The following VIPAS39 variants were observed in gnomAD, a reference collection of about 807,000 sequenced individuals.
VIPAS39 encodes the protein spermatogenesis-defective protein 39 homolog.
VIPAS39 carries 63 observed loss-of-function variants against 84.7 expected under a neutral mutation model. That is an observed-to-expected ratio of 0.74 (90% CI 0.61 to 0.92). The LOEUF is 0.92. Ranked by LOEUF, VIPAS39 falls within the 40% of genes least tolerant of loss-of-function variation. The pLI, the probability that VIPAS39 is intolerant of heterozygous loss-of-function variation, is 0.00. For missense variants in VIPAS39, 499 were observed against 604.5 expected (o/e 0.83, Z 1.83); for synonymous variants, 192 against 216.5 (o/e 0.89, Z 0.99).
chr14:77,440,705 G>A (rs1357856916), intron 11 of VIPAS39, among the ~76,000 whole-genome samples: 1 of 152,076 alleles, frequency 6.6e-6, no homozygotes, highest in Non-Finnish European at 1.5e-5. Flanking sequence ...GGATCTTGGA[G>A]GCGGGGGTTT....
At chr14:77,430,700 G>C (rs1251058955) in intron 16 of VIPAS39, among the ~76,000 whole-genome samples, 1 of 134,376 alleles carries the variant, frequency 7.4e-6, no homozygotes, top group African/African-American at 2.7e-5. Flanking sequence ...CTGGGTGACA[G>C]AGCAAGACTC....
chr14:77,445,614 C>G (rs1168273507), intron 7 of VIPAS39, among the ~76,000 whole-genome samples: 1 of 151,940 alleles, frequency 6.6e-6, no homozygotes, highest in Non-Finnish European at 1.5e-5. Context: ...GAGATGGGGT[C>G]TTGCTATATT....
rs746593817 is a variant in VIPAS39 at position 77,453,308 on chromosome 14, G to T, written c.187C>A (p.Pro63Thr). Residue 63 changes from proline (P) to threonine (T), a missense_variant, in exon 3 of 20, where the codon CCT (proline) becomes ACT (threonine). Coordinates refer to ENST00000557658, the MANE Select transcript of VIPAS39 (RefSeq NM_001193315.2). ...DLERVSWSGE[P>T]VGSISWSIRE... The stretch of plus-strand genomic sequence containing the variant: ...GGACTCTTCTACTTACTTCCCACAG[G>T]TTCCCCACTCCAGCTGACTCGCTCC... The T allele has an allele frequency of 2.3e-5, 37 of 1,613,876 alleles. No homozygotes were observed. The highest frequency in any genetic ancestry group is 3.1e-5 in the Non-Finnish European group (36 of 1,179,990).
chr14:77,445,398 T>C (rs2078772678), intron 7 of VIPAS39, among the ~76,000 whole-genome samples: 1 of 152,166 alleles, frequency 6.6e-6, no homozygotes, highest in African/African-American at 2.4e-5. Flanking sequence ...CAGACTGTAC[T>C]TATCACTAAG....
intron 9 of VIPAS39, among the ~76,000 whole-genome samples, chr14:77,442,881 C>T (rs1278591392): frequency 6.6e-6 from 1 of 152,196 alleles, no homozygotes; most frequent in Non-Finnish European, 1.5e-5. Context: ...AGGCACTTAG[C>T]ATGGACTCTG....
At position 77,435,695 on chromosome 14, in the gene VIPAS39, G is replaced by A. The variant is rs79242802; in HGVS notation, c.912+149C>T. On this transcript the variant is annotated intron_variant, in intron 13 of 19. Coordinates refer to ENST00000557658, the MANE Select transcript of VIPAS39 (RefSeq NM_001193315.2). ...AAAAAGGATCCTAAAAACAATGGAG[G>A]AAGGGGGCTATTGTGTACAGGCAGA... 7.5e-3 allele frequency: 6,803 copies of A among 912,032 alleles called. 314 individuals carry two copies. In the African/African-American group the frequency reaches 0.1, roughly 13 times the overall value. The allele number at this position is 912,032 out of a possible 1,614,324, so 56.5% of individuals were successfully genotyped here. A position where few individuals can be genotyped will look rare whatever the true frequency, so the allele number is the denominator to read the frequency against.
At chr14:77,432,428 C>T (rs753007790) in intron 16 of VIPAS39, among the ~76,000 whole-genome samples, 1 of 151,936 alleles carries the variant, frequency 6.6e-6, no homozygotes, top group Non-Finnish European at 1.5e-5. Context: ...CATATAAATC[C>T]AAAGGAAATG....
rs1357691727 is a variant in VIPAS39, at chr14:77,449,312, C to T, written c.428G>A (p.Arg143Lys). ...PAKSYAPELG[R>K]PKGEYRDYSN... ...ACTCACCCTATACTCCCCTTTGGGT[C>T]TCCCCAGCTCTGGAGCATAGCTTTT... Residue 143 changes from arginine (R) to lysine (K), a missense_variant, in exon 6 of 20, where the codon AGA (arginine) becomes AAA (lysine). Transcript: ENST00000557658. The T allele has an allele frequency of 1.9e-6, 3 of 1,614,094 alleles. No homozygotes were observed. The African/African-American group carries it at 4.0e-5, about 22-fold the overall frequency.
intron 7 of VIPAS39, among the ~76,000 whole-genome samples, chr14:77,447,682 C>T (rs1401736231): frequency 2.0e-5 from 3 of 151,868 alleles, no homozygotes; most frequent in Non-Finnish European, 2.9e-5. Context: ...GGCAGGGGGG[C>T]GGAGTTTCAC....
intron 6 of VIPAS39, 66 bp from the exon 7 acceptor site, chr14:77,448,616 C>T: frequency 6.5e-7 from 1 of 1,532,886 alleles, no homozygotes; most frequent in Non-Finnish European, 9.0e-7. Context: ...ATACCCGCTC[C>T]TCAACTCAAA....
chr14:77,428,300 T>C (rs2078462276), intron 19 of VIPAS39, 70 bp downstream of exon 19: 5 of 1,401,750 alleles, frequency 3.6e-6, no homozygotes, highest in South Asian at 2.4e-5. Context: ...CTTGGGAACA[T>C]ACATTTGGTA....
chr14:77,436,031 G>T, intron 12 of VIPAS39, 112 bp from the exon 13 acceptor site: 1 of 1,016,366 alleles, frequency 9.8e-7, no homozygotes, highest in South Asian at 1.3e-5. Flanking sequence ...TCACAAGTCT[G>T]ATCTCAGTTC....
intron 4 of VIPAS39, 138 bp downstream of exon 4, chr14:77,451,049 A>C: frequency 7.8e-7 from 1 of 1,282,098 alleles, no homozygotes; most frequent in Non-Finnish European, 1.1e-6. Flanking sequence ...TCTCGCTCCT[A>C]ACACCCAGCT....
chr14:77,434,498 G>A (rs556575006), intron 14 of VIPAS39, among the ~76,000 whole-genome samples, 195 bp from the exon 15 acceptor site: 1 of 152,194 alleles, frequency 6.6e-6, no homozygotes, highest in Non-Finnish European at 1.5e-5. Flanking sequence ...AAGAACTGGA[G>A]TAATAAGTAT....
rs146405825 is a variant in VIPAS39, at chr14:77,436,752, T to C, written c.837-833A>G. 1.1e-3 allele frequency among the ~76,000 whole-genome samples: 162 copies of C among 152,258 alleles called. 1 individual carries two copies. Among genetic ancestry groups the C allele is most frequent in the African/African-American group, 3.7e-3 (152 of 41,558 alleles). ...GCTGCTGCGCCCGGCCACATTATTG[T>C]TATACATGAAGATGCTGAGGGACAG... On this transcript the variant is annotated intron_variant, in intron 12 of 19. Transcript: ENST00000557658.
chr14:77,433,313 G>A (rs994485618), intron 16 of VIPAS39, among the ~76,000 whole-genome samples: 2 of 151,956 alleles, frequency 1.3e-5, no homozygotes, highest in Non-Finnish European at 2.9e-5. Context: ...CAATTCTCTC[G>A]CCTCAGCCTC....
intron 12 of VIPAS39, 139 bp downstream of exon 12, chr14:77,437,669 T>G: frequency 4.5e-5 from 39 of 857,942 alleles, no homozygotes; most frequent in Non-Finnish European, 6.4e-5. Context: ...CACCACTGCA[T>G]GAGGTGACCC....
chr14:77,439,477 C>T (rs74582453), intron 11 of VIPAS39, among the ~76,000 whole-genome samples: 2 of 152,182 alleles, frequency 1.3e-5, no homozygotes, highest in Admixed American at 6.5e-5. Context: ...ATATTAAGTA[C>T]AAGTTCCTTT....
chr14:77,431,124 T>G (rs1209131373), intron 16 of VIPAS39, among the ~76,000 whole-genome samples: 1 of 152,250 alleles, frequency 6.6e-6, no homozygotes, highest in East Asian at 1.9e-4. Flanking sequence ...GACATTGGCC[T>G]TGGCAATGAT....
Sources: gnomAD v4.1 joint callset for allele counts (sites outside exome capture counted in the v4.1 genomes callset) on GRCh38, gnomAD v4.1.1 for gene constraint, MANE v1.5 for transcripts, NCBI Gene and HGNC (gene_info 2026-07-23, HGNC 2026-07-21) for gene names.